The following ANAPC4 variants were observed in gnomAD, a reference collection of about 807,000 sequenced individuals.
The protein encoded by ANAPC4 is anaphase-promoting complex subunit 4.
Under a neutral mutation model 119.8 loss-of-function variants are expected in ANAPC4, and 63 were observed. The observed-to-expected ratio is 0.53, with a 90% confidence interval of 0.43 to 0.65. The LOEUF (loss-of-function observed/expected upper bound fraction) is 0.65. Ranked by LOEUF, ANAPC4 falls within the 30% of genes least tolerant of loss-of-function variation. ANAPC4 has a pLI of 0.00. For synonymous variants in ANAPC4, 283 were observed against 318.6 expected (o/e 0.89, Z 1.19); for missense variants, 716 against 945.1 (o/e 0.76, Z 3.18).
At chr4:25,398,966 G>A (rs1722804275) in intron 16 of ANAPC4, among the ~76,000 whole-genome samples, 1 of 150,646 alleles carries the variant, frequency 6.6e-6, no homozygotes, top group South Asian at 2.1e-4. Context: ...GTTTGGTTTG[G>A]ACATACTAGA....
intron 7 of ANAPC4, among the ~76,000 whole-genome samples, chr4:25,389,350 G>A (rs944077018): frequency 1.3e-5 from 2 of 152,166 alleles, no homozygotes; most frequent in African/African-American, 2.4e-5. Context: ...GTAGGGACGG[G>A]GTTTCACCAT....
rs577160171 is a variant in ANAPC4 at position 25,415,670 on chromosome 4, A to G, written c.1901+130A>G. 21 of 680,638 alleles carry G rather than the reference A, an allele frequency of 3.1e-5. No individual in the cohort carries two copies. In the African/African-American group the frequency reaches 3.8e-4, roughly 12 times the overall value. The allele number at this position is 680,638 out of a possible 1,614,324, so 42.2% of individuals were successfully genotyped here. The stretch of plus-strand genomic sequence containing the variant: ...CTTTGCCACTTCCCACATCAAGGGC[A>G]GGATTCTTTGTGTATTTATACATAG... On this transcript the variant is annotated intron_variant, in intron 26 of 28. Transcript: ENST00000315368.
chr4:25,417,360 A>G (rs142622872), intron 27 of ANAPC4: 44 of 241,446 alleles, frequency 1.8e-4, no homozygotes, highest in African/African-American at 8.8e-4. Flanking sequence ...GACTCAAGCA[A>G]TCCTCCCACC....
At chr4:25,397,605 A>T (rs904595413) in intron 16 of ANAPC4, among the ~76,000 whole-genome samples, 23 of 152,092 alleles carry the variant, frequency 1.5e-4, no homozygotes, top group Non-Finnish European at 1.5e-5. Context: ...CTACCCTCAC[A>T]CTTAATTGAC....
intron 2 of ANAPC4, among the ~76,000 whole-genome samples, chr4:25,379,200 T>C (rs947002531): frequency 6.6e-6 from 1 of 151,994 alleles, no homozygotes; most frequent in Admixed American, 6.6e-5. Flanking sequence ...AGTGGCTGAG[T>C]GCAGTAGAAG....
intron 2 of ANAPC4, among the ~76,000 whole-genome samples, chr4:25,377,822 A>T (rs1721492116): frequency 6.6e-6 from 1 of 152,268 alleles, no homozygotes; most frequent in African/African-American, 2.4e-5. Flanking sequence ...ACCGTCACGC[A>T]ATCCTGCTTC....
chr4:25,383,208 T>G (rs1011645337), intron 3 of ANAPC4, 53 bp from the exon 4 acceptor site: 1 of 1,480,162 alleles, frequency 6.8e-7, no homozygotes, highest in Non-Finnish European at 9.0e-7. Flanking sequence ...AATACCCATT[T>G]ATTTTTCTCA....
In ANAPC4 at chr4:25,394,669, A is replaced by G; in HGVS notation, c.942-2A>G. On this transcript the variant is annotated splice_acceptor_variant, in intron 12 of 28. Coordinates refer to ENST00000315368, the MANE Select transcript of ANAPC4 (RefSeq NM_013367.3). LOFTEE classifies it high-confidence loss of function. ...CTAAAAATACTTTGTTTTTCATTGT[A>G]GTGCTGAACTTCAGACTCTCTTGAT... 3 of 1,594,252 alleles carry G rather than the reference A, an allele frequency of 1.9e-6. No individual in the cohort carries two copies. The highest frequency in any genetic ancestry group is 1.7e-6 in the Non-Finnish European group (2 of 1,174,378).
chr4:25,395,033 C>A, intron 14 of ANAPC4, 128 bp downstream of exon 14: 1 of 676,164 alleles, frequency 1.5e-6, no homozygotes, highest in Non-Finnish European at 2.5e-6. Flanking sequence ...TGTTGCATGG[C>A]ATTTGAGAAG....
chr4:25,418,116 A>G (rs1473980963), intron 28 of ANAPC4, 39 bp from the exon 29 acceptor site: 1 of 1,546,110 alleles, frequency 6.5e-7, no homozygotes, highest in South Asian at 1.2e-5. Flanking sequence ...ATGATAAGCC[A>G]TTAATTTAAA....
intron 27 of ANAPC4, chr4:25,417,378 C>T (rs1362425276): frequency 2.1e-5 from 6 of 282,748 alleles, no homozygotes; most frequent in East Asian, 1.4e-4. Flanking sequence ...ACCTTGGCCT[C>T]GCAAAGTGCT....
At chr4:25,410,536 A>AG (rs2109141683) in intron 21 of ANAPC4, among the ~76,000 whole-genome samples, 1 of 152,344 alleles carries the variant, frequency 6.6e-6, no homozygotes, top group East Asian at 1.9e-4. Flanking sequence ...ATGAGGAAAC[A>AG]GAAGGTTAGA....
At chr4:25,388,987 T>A (rs1021935441) in intron 7 of ANAPC4, 105 bp downstream of exon 7, 5 of 1,011,084 alleles carry the variant, frequency 4.9e-6, no homozygotes, top group Admixed American at 2.7e-5. Flanking sequence ...TTTTATTTCA[T>A]TGTTTTTTGT....
chr4:25,377,617 C>A, intron 2 of ANAPC4, 61 bp downstream of exon 2: 2 of 1,495,014 alleles, frequency 1.3e-6, no homozygotes, highest in Non-Finnish European at 8.9e-7. Context: ...CCAAGAACAC[C>A]GAGCCCGAGC....
At chr4:25,415,445 T>C (rs2109147554) in intron 25 of ANAPC4, 21 bp from the exon 26 acceptor site, 2 of 1,599,898 alleles carry the variant, frequency 1.3e-6, no homozygotes, top group Non-Finnish European at 1.7e-6. Flanking sequence ...AGTCTCTTTT[T>C]TTCCCCCTTC....
intron 19 of ANAPC4, 63 bp downstream of exon 19, chr4:25,406,948 C>A (rs1025090611): frequency 7.8e-7 from 1 of 1,278,506 alleles, no homozygotes; most frequent in Non-Finnish European, 1.1e-6. Flanking sequence ...TGGATAATGA[C>A]AAGACATAAT....
chr4:25,407,578 G>T (rs928810324), intron 20 of ANAPC4, among the ~76,000 whole-genome samples: 1 of 151,616 alleles, frequency 6.6e-6, no homozygotes, highest in African/African-American at 2.4e-5. Flanking sequence ...CTTCACCCAG[G>T]GCGACAGAAC....
chr4:25,380,815 C>T (rs1022816232), intron 3 of ANAPC4, among the ~76,000 whole-genome samples: 3 of 152,356 alleles, frequency 2.0e-5, no homozygotes, highest in South Asian at 2.1e-4. Flanking sequence ...ACTTGCCACT[C>T]GCCAGTGAGT....
intron 20 of ANAPC4, 70 bp downstream of exon 20, chr4:25,407,323 A>G (rs535397758): frequency 9.8e-6 from 12 of 1,222,112 alleles, no homozygotes; most frequent in African/African-American, 1.5e-5. Context: ...TCTGGAAAGA[A>G]TTACAATACC....
Sources: allele counts gnomAD v4.1 joint callset (sites outside exome capture counted in the v4.1 genomes callset), GRCh38; gene constraint gnomAD v4.1.1; transcripts MANE v1.5; gene names NCBI Gene and HGNC (gene_info 2026-07-23, HGNC 2026-07-21).